THSD7A: variants seen among roughly 807,000 people sequenced by gnomAD.
THSD7A encodes thrombospondin type 1 domain containing 7A, also known as thrombospondin type-1 domain-containing protein 7A.
In THSD7A, 96 loss-of-function variants were observed where a neutral mutation model predicts 231.3. That is an observed-to-expected ratio of 0.41 (90% CI 0.35 to 0.49). THSD7A has a LOEUF of 0.49. THSD7A is among the 20% of genes least tolerant of loss of function. The pLI, the probability that THSD7A is intolerant of heterozygous loss-of-function variation, is 0.05. For missense variants in THSD7A, 2,290 were observed against 2,070.2 expected (o/e 1.11, Z -2.06); for synonymous variants, 940 against 743.3 (o/e 1.26, Z -4.30).
intron 1 of THSD7A, among the ~76,000 whole-genome samples, chr7:11,703,840 C>A (rs767394601): frequency 2.0e-5 from 3 of 150,998 alleles, no homozygotes; most frequent in Admixed American, 1.3e-4. Context: ...GAAAGAGGAG[C>A]AAAGCTAGAA....
At chr7:11,629,714 T>C (rs1211149255) in intron 2 of THSD7A, among the ~76,000 whole-genome samples, 3 of 152,200 alleles carry the variant, frequency 2.0e-5, no homozygotes, top group Non-Finnish European at 4.4e-5. Flanking sequence ...CCTTAGTCTA[T>C]AGGCACTGCA....
At chr7:11,415,298 C>T (rs1349342838) in intron 17 of THSD7A, among the ~76,000 whole-genome samples, 1 of 152,254 alleles carries the variant, frequency 6.6e-6, no homozygotes, top group Admixed American at 6.5e-5. Flanking sequence ...TGCCAGATTC[C>T]CAAGGAAAGA....
chr7:11,797,389 C>A (rs1784154809), intron 1 of THSD7A, among the ~76,000 whole-genome samples: 1 of 133,178 alleles, frequency 7.5e-6, no homozygotes. Flanking sequence ...TTCCTGCCTT[C>A]TTTGCTTTCT....
intron 1 of THSD7A, among the ~76,000 whole-genome samples, chr7:11,680,654 C>T (rs983484103): frequency 1.2e-4 from 19 of 152,108 alleles, no homozygotes; most frequent in African/African-American, 3.6e-4. Context: ...CAATGAGATA[C>T]CATCTCACAG....
intron 1 of THSD7A, among the ~76,000 whole-genome samples, chr7:11,730,674 A>G (rs2128157018): frequency 6.6e-6 from 1 of 151,814 alleles, no homozygotes; most frequent in Non-Finnish European, 1.5e-5. Flanking sequence ...ATTGGCAGCC[A>G]TAACTCATGT....
rs116699599 is a variant in THSD7A at position 11,488,993 on chromosome 7, G to A, written c.1823-7011C>T. ...TTTCTCAAATGCCCCAGATGGAGTTGTGCTCTGCCCTGTCTGCTCCCATAG... is the reference window on the plus strand; with the variant it reads ...TTTCTCAAATGCCCCAGATGGAGTTATGCTCTGCCCTGTCTGCTCCCATAG... On this transcript the variant is annotated intron_variant, in intron 6 of 27. Transcript: ENST00000423059. Among the ~76,000 whole-genome samples the A allele has an allele frequency of 2.6e-5, 4 of 152,030 alleles. No individual in the cohort carries two copies. The East Asian group carries it at 5.8e-4, about 22-fold the overall frequency.
intron 2 of THSD7A, among the ~76,000 whole-genome samples, chr7:11,619,874 T>C (rs1781246519): frequency 6.6e-6 from 1 of 152,316 alleles, no homozygotes; most frequent in South Asian, 2.1e-4. Context: ...GAATAATATG[T>C]CAATTTTATA....
rs1466787872 is a variant in THSD7A at position 11,374,246 on chromosome 7, A to G, written c.*1548T>C. 1 of 152,156 alleles carries G rather than the reference A, an allele frequency of 6.6e-6. No individual in the cohort carries two copies. The highest frequency in any genetic ancestry group is 1.5e-5 in the Non-Finnish European group (1 of 68,002). The allele number at this position is 152,156 out of a possible 1,614,324, so 9.4% of individuals were successfully genotyped here. Reference sequence around the variant, plus strand: ...TTATTTACTAAGATTGCATTAGCAGAATGGCAAAGTTGAGAAGTTGCAACA... The same window carrying G: ...TTATTTACTAAGATTGCATTAGCAGGATGGCAAAGTTGAGAAGTTGCAACA... On this transcript the variant is annotated 3_prime_UTR_variant, in exon 28 of 28. Transcript: ENST00000423059.
intron 1 of THSD7A, among the ~76,000 whole-genome samples, chr7:11,724,808 T>C (rs751677026): frequency 7.2e-5 from 11 of 151,862 alleles, no homozygotes; most frequent in Admixed American, 1.3e-4. Flanking sequence ...TATGTATAAG[T>C]AGATGTAACA....
chr7:11,419,327 C>A (rs1393972225), intron 16 of THSD7A, among the ~76,000 whole-genome samples: 1 of 152,126 alleles, frequency 6.6e-6, no homozygotes, highest in African/African-American at 2.4e-5. Context: ...CCTTGCTGTT[C>A]ATGATAGTGA....
At chr7:11,386,928 T>C (rs1212445534) in intron 23 of THSD7A, among the ~76,000 whole-genome samples, 1 of 152,244 alleles carries the variant, frequency 6.6e-6, no homozygotes, top group Admixed American at 6.5e-5. Context: ...TTTCTGCATA[T>C]GGCTAGCCAG....
intron 1 of THSD7A, among the ~76,000 whole-genome samples, chr7:11,713,327 T>C (rs1781026672): frequency 1.3e-5 from 2 of 151,300 alleles, no homozygotes; most frequent in African/African-American, 2.4e-5. Flanking sequence ...ATGTTTATGA[T>C]CTTTTCTTCT....
intron 2 of THSD7A, among the ~76,000 whole-genome samples, chr7:11,631,865 A>G (rs547136233): frequency 6.6e-6 from 1 of 152,288 alleles, no homozygotes; most frequent in South Asian, 2.1e-4. Context: ...AGGAGGCTCA[A>G]TCCTGACCAA....
chr7:11,486,658 G>T (rs1429590950), intron 6 of THSD7A, among the ~76,000 whole-genome samples: 1 of 152,140 alleles, frequency 6.6e-6, no homozygotes, highest in Non-Finnish European at 1.5e-5. Flanking sequence ...TGACTGTGAT[G>T]TCACAAACAT....
intron 1 of THSD7A, among the ~76,000 whole-genome samples, chr7:11,760,483 A>C (rs1782819302): frequency 6.6e-6 from 1 of 152,104 alleles, no homozygotes; most frequent in Non-Finnish European, 1.5e-5. Context: ...AATGTTCCTC[A>C]TTATGTGAAC....
intron 2 of THSD7A, among the ~76,000 whole-genome samples, chr7:11,633,669 G>C (rs914286169): frequency 6.6e-6 from 1 of 152,060 alleles, no homozygotes; most frequent in African/African-American, 2.4e-5. Context: ...GACTGTAACC[G>C]TTTCCTGCTG....
At chr7:11,804,500 C>T (rs531963581) in intron 1 of THSD7A, among the ~76,000 whole-genome samples, 1 of 152,220 alleles carries the variant, frequency 6.6e-6, no homozygotes, top group South Asian at 2.1e-4. Flanking sequence ...AATTTCAATT[C>T]AACATAACTG....
chr7:11,679,302 C>T lies in THSD7A; in HGVS notation c.191-42341G>A, dbSNP rs534347580. ...GAAAACCAGCACAAGACAAGGATGC[C>T]CTCACTCACCACTCCTATTCAACAT... On this transcript the variant is annotated intron_variant, in intron 1 of 27. Transcript: ENST00000423059. 4.6e-5 allele frequency among the ~76,000 whole-genome samples: 7 copies of T among 152,210 alleles called. No homozygotes were observed. In the South Asian group the frequency reaches 1.2e-3, roughly 27 times the overall value.
intron 6 of THSD7A, among the ~76,000 whole-genome samples, chr7:11,483,926 T>C (rs1039803883): frequency 5.9e-5 from 9 of 152,188 alleles, no homozygotes; most frequent in Non-Finnish European, 1.3e-4. Flanking sequence ...CTAGCGTAAG[T>C]AATGCATTTT....
Sources: gnomAD v4.1 joint callset for allele counts (sites outside exome capture counted in the v4.1 genomes callset) on GRCh38, gnomAD v4.1.1 for gene constraint, MANE v1.5 for transcripts, NCBI Gene and HGNC (gene_info 2026-07-23, HGNC 2026-07-21) for gene names.